Variants in DTNA observed in about 807,000 individuals in gnomAD.
The protein encoded by DTNA is dystrobrevin alpha, also known as dystrophin-related protein 3.
Under a neutral mutation model 100.7 loss-of-function variants are expected in DTNA, and 43 were observed. That is an observed-to-expected ratio of 0.43 (90% CI 0.33 to 0.55). The LOEUF (loss-of-function observed/expected upper bound fraction) is 0.55. Among genes scored for constraint, DTNA ranks in the 20% least tolerant of loss-of-function variants. The pLI, the probability that DTNA is intolerant of heterozygous loss-of-function variation, is 0.04. For missense variants in DTNA, 798 were observed against 953.9 expected (o/e 0.84, Z 2.15); for synonymous variants, 349 against 347.9 (o/e 1.00, Z -0.04).
intron 17 of DTNA, among the ~76,000 whole-genome samples, chr18:34,865,027 A>G (rs1455940915): frequency 6.6e-6 from 1 of 152,230 alleles, no homozygotes. Context: ...CCATGTGATC[A>G]GTGCCACATG....
At chr18:34,672,133 C>T (rs958887360) in intron 1 of DTNA, among the ~76,000 whole-genome samples, 4 of 152,238 alleles carry the variant, frequency 2.6e-5, no homozygotes, top group African/African-American at 4.8e-5. Context: ...AGCAAAAATA[C>T]GTGAATCTTT....
intron 1 of DTNA, among the ~76,000 whole-genome samples, chr18:34,603,378 G>A (rs913294302): frequency 4.8e-4 from 73 of 151,892 alleles, no homozygotes; most frequent in Middle Eastern, 3.4e-3. Flanking sequence ...AGTATCCTTA[G>A]TATTTGGCAC....
chr18:34,727,733 TTTTGTATTGTTAGTAGAGACAGGG>T (rs1407206895), intron 1 of DTNA, among the ~76,000 whole-genome samples: 2 of 152,132 alleles, frequency 1.3e-5, no homozygotes, highest in African/African-American at 2.4e-5. Flanking sequence ...CCTGGCTAAT[TTTTGTATTGTTAGTAGAGACAGGG>T]TTTCACCATG....
rs533078048 is a variant in DTNA at position 34,861,464 on chromosome 18, C to G, written c.1647-2502C>G. On this transcript the variant is annotated intron_variant, in intron 16 of 22. Transcript: ENST00000444659. ...TCACGCCACTGCACTCCAGCCTGGG[C>G]GACTGAGCGAGACTCCGTCTCAAAA... Among the ~76,000 whole-genome samples, 12 of 115,354 alleles carry G rather than the reference C, an allele frequency of 1.0e-4. No individual in the cohort carries two copies. In the East Asian group the frequency reaches 3.7e-3, roughly 36 times the overall value. 75.7% of individuals were successfully genotyped at this position (115,354 alleles called of 152,430 possible).
chr18:34,830,111 T>A (rs1174761697), intron 11 of DTNA, among the ~76,000 whole-genome samples: 1 of 152,196 alleles, frequency 6.6e-6, no homozygotes, highest in Admixed American at 6.5e-5. Flanking sequence ...TAGAAATCTA[T>A]CATGCCAGAT....
chr18:34,614,141 G>A (rs1349702176), intron 1 of DTNA, among the ~76,000 whole-genome samples: 2 of 152,152 alleles, frequency 1.3e-5, no homozygotes, highest in Non-Finnish European at 2.9e-5. Flanking sequence ...AACAAAGCTT[G>A]GATGATAATG....
At chr18:34,618,881 G>C (rs2055877601) in intron 1 of DTNA, among the ~76,000 whole-genome samples, 1 of 152,040 alleles carries the variant, frequency 6.6e-6, no homozygotes, top group South Asian at 2.1e-4. Flanking sequence ...TCTGCCCCAG[G>C]GAGCTCAAAG....
chr18:34,879,775 C>T, intron 20 of DTNA, 56 bp downstream of exon 20: 1 of 1,603,770 alleles, frequency 6.2e-7, no homozygotes, highest in Non-Finnish European at 8.5e-7. Flanking sequence ...CTGTAGGAGA[C>T]AATAAGAAAG....
intron 16 of DTNA, 78 bp downstream of exon 16, chr18:34,858,476 G>T (rs566709526): frequency 6.9e-7 from 1 of 1,447,534 alleles, no homozygotes; most frequent in Non-Finnish European, 9.7e-7. Flanking sequence ...TGTCTAGCCA[G>T]AAAACAGTCC....
At position 34,553,192 on chromosome 18, in the gene DTNA, G is replaced by T. The variant is rs1478996324; in HGVS notation, c.-2+59678G>T. 4.6e-5 allele frequency among the ~76,000 whole-genome samples: 7 copies of T among 151,868 alleles called. No homozygotes were observed. The South Asian group carries it at 8.3e-4, about 18-fold the overall frequency. On this transcript the variant is annotated intron_variant, in intron 1 of 19. Coordinates refer to the DTNA transcript ENST00000283365. ...AAATGTCTTCTTTTGAGAAGTGTCT[G>T]TTCATGTCTTTTGCCCACTTTTTGA...
intron 17 of DTNA, chr18:34,867,142 A>G (rs1397415196): frequency 8.1e-7 from 1 of 1,231,260 alleles, no homozygotes; most frequent in African/African-American, 1.6e-5. Flanking sequence ...AATTAGAACC[A>G]CAACCTGTCC....
intron 4 of DTNA, among the ~76,000 whole-genome samples, chr18:34,804,012 A>G (rs557870114): frequency 1.1e-4 from 17 of 152,254 alleles, no homozygotes; most frequent in Middle Eastern, 3.2e-3. Flanking sequence ...GAATCCAGTC[A>G]CATTGTGGAC....
At chr18:34,660,580 G>A (rs566951341) in intron 1 of DTNA, among the ~76,000 whole-genome samples, 1 of 152,036 alleles carries the variant, frequency 6.6e-6, no homozygotes, top group South Asian at 2.1e-4. Context: ...ATCCAGGAGA[G>A]AATCGACTAA....
At chr18:34,539,093 G>A (rs1410727557) in intron 1 of DTNA, among the ~76,000 whole-genome samples, 2 of 151,948 alleles carry the variant, frequency 1.3e-5, no homozygotes, top group Admixed American at 1.3e-4. Flanking sequence ...AGTTATCACT[G>A]TTCACAGATC....
chr18:34,566,559 T>C (rs1365086166), intron 1 of DTNA, among the ~76,000 whole-genome samples: 1 of 152,246 alleles, frequency 6.6e-6, no homozygotes, highest in Non-Finnish European at 1.5e-5. Flanking sequence ...GTGACCTGTC[T>C]TCTTTGAAAT....
Position 34,586,546 on chromosome 18 carries a change from A to T in DTNA, c.-2+93032A>T, listed in dbSNP as rs564308643. Among the ~76,000 whole-genome samples, 4 of 152,198 alleles carry T rather than the reference A, an allele frequency of 2.6e-5. No individual in the cohort carries two copies. The East Asian group carries it at 7.8e-4, about 30-fold the overall frequency. On this transcript the variant is annotated intron_variant, in intron 1 of 19. Coordinates refer to the DTNA transcript ENST00000283365. ...TAACACAAATGAATATGCTGACTCT[A>T]ACTATCAGACTCCATCCAGTTTGGC...
chr18:34,586,040 A>T (rs2049100636), intron 1 of DTNA, among the ~76,000 whole-genome samples: 1 of 152,204 alleles, frequency 6.6e-6, no homozygotes, highest in Non-Finnish European at 1.5e-5. Flanking sequence ...GGCTGAAGAA[A>T]TGGGGCCACA....
At chr18:34,834,134 A>T (rs761395333) in intron 11 of DTNA, among the ~76,000 whole-genome samples, 1 of 152,190 alleles carries the variant, frequency 6.6e-6, no homozygotes, top group Non-Finnish European at 1.5e-5. Flanking sequence ...AATAAGCCAC[A>T]CATCATTACT....
intron 1 of DTNA, among the ~76,000 whole-genome samples, chr18:34,517,762 T>C (rs1220045819): frequency 6.6e-6 from 1 of 152,152 alleles, no homozygotes; most frequent in East Asian, 1.9e-4. Flanking sequence ...CTAGCCACCT[T>C]ACCCCCTGTG....
Sources: allele counts gnomAD v4.1 joint callset (sites outside exome capture counted in the v4.1 genomes callset), GRCh38; gene constraint gnomAD v4.1.1; transcripts MANE v1.5; gene names NCBI Gene and HGNC (gene_info 2026-07-23, HGNC 2026-07-21).